Variants in GSE1 observed in about 807,000 individuals in gnomAD.
GSE1 encodes genetic suppressor element 1.
GSE1 carries 32 observed loss-of-function variants against 112.6 expected under a neutral mutation model. That is an observed-to-expected ratio of 0.28 (90% CI 0.21 to 0.38). The LOEUF is 0.38. Ranked by LOEUF, GSE1 falls within the 10% of genes least tolerant of loss-of-function variation. The pLI is 1.00. For synonymous variants in GSE1, 1,115 were observed against 735.6 expected (o/e 1.52, Z -8.35); for missense variants, 2,348 against 1,699.2 (o/e 1.38, Z -6.71).
chr16:85,596,897 G>A (rs976022712), intron 1 of GSE1, among the ~76,000 whole-genome samples: 2 of 152,146 alleles, frequency 1.3e-5, no homozygotes, highest in East Asian at 1.9e-4. Flanking sequence ...TTATCTGGGC[G>A]TGGTGGCACA....
rs1412389802 is a variant in GSE1, at chr16:85,672,580, A to G, written c.*41A>G. The G allele has an allele frequency of 7.1e-7, 1 of 1,401,226 alleles. No individual in the cohort carries two copies. The highest frequency in any genetic ancestry group is 1.4e-5 in the South Asian group (1 of 71,110). 86.8% of individuals were successfully genotyped at this position (1,401,226 alleles called of 1,614,324 possible). Reference sequence around the variant, plus strand: ...TAGGCCGAACCTATAGTATAGAAATATTATCTATTTTATTACCTTGAATAT... The same window carrying G: ...TAGGCCGAACCTATAGTATAGAAATGTTATCTATTTTATTACCTTGAATAT... On this transcript the variant is annotated 3_prime_UTR_variant, in exon 16 of 16. Transcript: ENST00000253458.
intron 1 of GSE1, among the ~76,000 whole-genome samples, chr16:85,559,007 A>C (rs528799219): frequency 6.6e-6 from 1 of 152,220 alleles, no homozygotes; most frequent in Admixed American, 6.5e-5. Context: ...ACAGACACCC[A>C]CGACCATGCC....
chr16:85,408,819 C>T (rs200676209), intron 2 of GSE1, among the ~76,000 whole-genome samples: 1 of 60,182 alleles, frequency 1.7e-5, no homozygotes, highest in Admixed American at 1.4e-4. Context: ...TCAGGGCCCC[C>T]CGGATAATCC....
At chr16:85,559,150 C>G (rs1598178893) in intron 1 of GSE1, among the ~76,000 whole-genome samples, 1 of 152,218 alleles carries the variant, frequency 6.6e-6, no homozygotes, top group African/African-American at 2.4e-5. Context: ...TTTACGTGCC[C>G]AGCCCTGGCC....
At chr16:85,377,628 G>T (rs1053956998) in intron 2 of GSE1, among the ~76,000 whole-genome samples, 6 of 152,248 alleles carry the variant, frequency 3.9e-5, no homozygotes, top group Admixed American at 2.0e-4. Flanking sequence ...CACCCCACAT[G>T]CCCTGGGCAG....
At chr16:85,599,460 G>A (rs1008758402) in intron 1 of GSE1, among the ~76,000 whole-genome samples, 1 of 152,214 alleles carries the variant, frequency 6.6e-6, no homozygotes, top group Non-Finnish European at 1.5e-5. Context: ...GGTGAGGGAG[G>A]TGGGGGTGGT....
At chr16:85,614,129 G>A (rs952812842) in intron 1 of GSE1, among the ~76,000 whole-genome samples, 5 of 150,238 alleles carry the variant, frequency 3.3e-5, no homozygotes, top group African/African-American at 1.2e-4. Flanking sequence ...CCTCGGAGGT[G>A]GGAGAGGGAT....
chr16:85,361,105 G>C (rs1159963229), intron 2 of GSE1, among the ~76,000 whole-genome samples: 1 of 148,462 alleles, frequency 6.7e-6, no homozygotes, highest in Non-Finnish European at 1.5e-5. Context: ...ACACACACGG[G>C]CAGAGACAGA....
exon 1 of GSE1, chr16:85,171,471 C>T: frequency 1.0e-6 from 1 of 985,650 alleles, no homozygotes; most frequent in Non-Finnish European, 1.2e-6. Flanking sequence ...CCTGTGTGCT[C>T]TGCTACCATG....
At chr16:85,310,913 AG>A (rs1307267140) in intron 1 of GSE1, among the ~76,000 whole-genome samples, 3 of 151,740 alleles carry the variant, frequency 2.0e-5, no homozygotes, top group Non-Finnish European at 2.9e-5. Flanking sequence ...CTGGGGATGG[AG>A]GGGGGCACCC....
intron 1 of GSE1, among the ~76,000 whole-genome samples, chr16:85,571,457 G>C (rs1247514441): frequency 1.3e-5 from 2 of 152,264 alleles, no homozygotes; most frequent in African/African-American, 4.8e-5. Context: ...CAGATAGAGA[G>C]CATTTCCATT....
chr16:85,654,773 G>A (rs750833828), intron 4 of GSE1, 21 bp from the exon 5 acceptor site: 1 of 1,558,382 alleles, frequency 6.4e-7, no homozygotes, highest in Non-Finnish European at 8.8e-7. Flanking sequence ...TCCCCACCTT[G>A]CCCACTATCC....
chr16:85,611,975 G>T (rs1598375250), upstream of GSE1, among the ~76,000 whole-genome samples: 2 of 152,086 alleles, frequency 1.3e-5, no homozygotes, highest in African/African-American at 4.8e-5. Flanking sequence ...CGAGGGGGCT[G>T]AAAGTCGAAA....
intron 2 of GSE1, among the ~76,000 whole-genome samples, chr16:85,421,219 G>A (rs550085573): frequency 3.9e-4 from 59 of 152,198 alleles, no homozygotes; most frequent in Middle Eastern, 3.4e-3. Context: ...TCTCCTGGAC[G>A]GGGACCCCCG....
chr16:85,308,280 T>G (rs2045735959), intron 1 of GSE1, among the ~76,000 whole-genome samples: 1 of 151,952 alleles, frequency 6.6e-6, no homozygotes, highest in African/African-American at 2.4e-5. Context: ...GGATGACTAC[T>G]CCCACCATTC....
intron 2 of GSE1, among the ~76,000 whole-genome samples, chr16:85,433,393 T>C (rs1269804547): frequency 2.0e-5 from 3 of 152,126 alleles, no homozygotes; most frequent in Non-Finnish European, 4.4e-5. Context: ...ACAAATTACT[T>C]TCCCTGCCCT....
intron 1 of GSE1, among the ~76,000 whole-genome samples, chr16:85,292,118 T>C (rs2045233541): frequency 6.6e-6 from 1 of 151,144 alleles, no homozygotes; most frequent in African/African-American, 2.4e-5. Flanking sequence ...TAACTGAAGG[T>C]GAAATTCACA....
chr16:85,651,006 C>T (rs2051291287), intron 3 of GSE1, among the ~76,000 whole-genome samples: 1 of 150,294 alleles, frequency 6.7e-6, no homozygotes, highest in South Asian at 2.1e-4. Flanking sequence ...TTGCTCTAAT[C>T]ACCGGAGAAT....
intron 2 of GSE1, among the ~76,000 whole-genome samples, chr16:85,508,764 GC>G (rs1324282606): frequency 2.6e-5 from 4 of 152,236 alleles, no homozygotes; most frequent in African/African-American, 7.2e-5. Flanking sequence ...TTAGCAGGAA[GC>G]TAATCACGCT....
Sources: allele counts gnomAD v4.1 joint callset (sites outside exome capture counted in the v4.1 genomes callset), GRCh38; gene constraint gnomAD v4.1.1; transcripts MANE v1.5; gene names NCBI Gene and HGNC (gene_info 2026-07-23, HGNC 2026-07-21).